Variants in ZNF385D observed in about 807,000 individuals in gnomAD.
ZNF385D encodes zinc finger protein 385D.
A neutral mutation model predicts 35.8 loss-of-function variants in ZNF385D; 15 were observed. The ratio of observed to expected loss-of-function variants is 0.42; its 90% CI spans 0.28 to 0.64. ZNF385D has a LOEUF of 0.64. Among genes scored for constraint, ZNF385D ranks in the 30% least tolerant of loss-of-function variants. ZNF385D has a pLI of 0.23. For missense variants in ZNF385D, 474 were observed against 494.6 expected (o/e 0.96, Z 0.39); for synonymous variants, 212 against 186.8 (o/e 1.13, Z -1.10).
chr3:21,881,087 CT>C lies in ZNF385D; in HGVS notation c.326-216060del, dbSNP rs567107354. On this transcript the variant is annotated intron_variant, in intron 3 of 5. Coordinates refer to the ZNF385D transcript ENST00000494108. ...CATAACATAAAAATACAAGGTGAAG[CT>C]GCAAGTAGTGATGTAGAAGCTTCAG... 1.7e-3 allele frequency among the ~76,000 whole-genome samples: 262 copies of C among 152,046 alleles called. 1 individual carries two copies. The highest frequency in any genetic ancestry group is 6.0e-3 in the African/African-American group (251 of 41,508).
chr3:22,304,249 A>G (rs994899526), intron 2 of ZNF385D, among the ~76,000 whole-genome samples: 2 of 152,204 alleles, frequency 1.3e-5, no homozygotes, highest in African/African-American at 4.8e-5. Flanking sequence ...TTTTAATCAG[A>G]AATGTGTTTT....
intron 1 of ZNF385D, among the ~76,000 whole-genome samples, chr3:21,695,921 G>A (rs1184678976): frequency 3.9e-5 from 6 of 152,036 alleles, no homozygotes; most frequent in Non-Finnish European, 1.5e-5. Context: ...AAAGATAATT[G>A]CCATTTCCAT....
chr3:22,250,699 G>A (rs1267039471), intron 2 of ZNF385D, among the ~76,000 whole-genome samples: 1 of 152,034 alleles, frequency 6.6e-6, no homozygotes, highest in Non-Finnish European at 1.5e-5. Context: ...CATTGCACAG[G>A]TTATGCATGC....
chr3:21,915,864 A>G (rs1343858522), intron 3 of ZNF385D, among the ~76,000 whole-genome samples: 3 of 152,154 alleles, frequency 2.0e-5, no homozygotes, highest in Non-Finnish European at 2.9e-5. Context: ...GAACTTTACC[A>G]AACACGGCAA....
chr3:21,769,869 G>T lies in ZNF385D; in HGVS notation c.326-104841C>A, dbSNP rs547291207. On this transcript the variant is annotated intron_variant, in intron 3 of 5. Transcript: ENST00000494108. Reference sequence around the variant, plus strand: ...AGGCTATAGTAACCAAAACAGCATGGTACTGGTACCAAAACAGAGATATAG... The same window carrying T: ...AGGCTATAGTAACCAAAACAGCATGTTACTGGTACCAAAACAGAGATATAG... Among the ~76,000 whole-genome samples, 4 of 151,182 alleles carry T rather than the reference G, an allele frequency of 2.6e-5. No individual in the cohort carries two copies. The East Asian group carries it at 7.9e-4, about 30-fold the overall frequency.
At chr3:22,294,309 T>C (rs1702455880) in intron 2 of ZNF385D, among the ~76,000 whole-genome samples, 1 of 152,132 alleles carries the variant, frequency 6.6e-6, no homozygotes, top group African/African-American at 2.4e-5. Context: ...TGCCTCTTTG[T>C]ACAACTTCCC....
chr3:21,880,408 T>C (rs1698214936), intron 3 of ZNF385D, among the ~76,000 whole-genome samples: 1 of 151,954 alleles, frequency 6.6e-6, no homozygotes, highest in South Asian at 2.1e-4. Flanking sequence ...TTTCACTGTA[T>C]CTGTCATGTT....
intron 3 of ZNF385D, among the ~76,000 whole-genome samples, chr3:21,871,872 C>T (rs1304444774): frequency 6.6e-6 from 1 of 151,948 alleles, no homozygotes; most frequent in African/African-American, 2.4e-5. Context: ...CGACAGGCGC[C>T]TGTAATCCCA....
rs1313317308 is a variant in ZNF385D, at chr3:22,123,976, A to C, written c.325+44841T>G. 8.2e-4 allele frequency among the ~76,000 whole-genome samples: 115 copies of C among 140,944 alleles called. 1 individual carries two copies. The highest frequency in any genetic ancestry group is 5.7e-3 in the Admixed American group (80 of 13,928). The allele number at this position is 140,944 out of a possible 152,430, so 92.5% of individuals were successfully genotyped here. On this transcript the variant is annotated intron_variant, in intron 3 of 5. Coordinates refer to the ZNF385D transcript ENST00000494108. ...TCTCTCTCTCTCTATATATATATATATATATATATATATTGCTGACTGAAC... is the reference window on the plus strand; with the variant it reads ...TCTCTCTCTCTCTATATATATATATCTATATATATATATTGCTGACTGAAC...
intron 2 of ZNF385D, among the ~76,000 whole-genome samples, chr3:22,217,951 A>G (rs558232117): frequency 4.3e-4 from 66 of 152,280 alleles, no homozygotes; most frequent in South Asian, 1.2e-3. Context: ...TCTCTTTCAA[A>G]TTCACCGTCC....
chr3:21,759,793 A>T (rs937991761), intron 3 of ZNF385D, among the ~76,000 whole-genome samples: 10 of 152,212 alleles, frequency 6.6e-5, no homozygotes, highest in African/African-American at 2.4e-4. Context: ...CCTTTAAAAA[A>T]AGAGATTCTT....
chr3:22,256,452 T>C (rs936268773), intron 2 of ZNF385D, among the ~76,000 whole-genome samples: 3 of 151,788 alleles, frequency 2.0e-5, no homozygotes, highest in African/African-American at 7.2e-5. Context: ...TTGATCATTT[T>C]TTTTAGTTCC....
At chr3:21,579,814 C>A (rs918131681) in intron 2 of ZNF385D, 2 of 151,944 alleles carry the variant, frequency 1.3e-5, no homozygotes, top group African/African-American at 4.8e-5. Context: ...GTACATCATT[C>A]CAATCCTCCC....
intron 3 of ZNF385D, among the ~76,000 whole-genome samples, chr3:22,146,233 A>C (rs1269163707): frequency 1.3e-5 from 2 of 152,212 alleles, no homozygotes; most frequent in Non-Finnish European, 2.9e-5. Flanking sequence ...ACAGTTCTAC[A>C]TTGTTTCACC....
At chr3:21,848,663 AC>A (rs1696174302) in intron 3 of ZNF385D, among the ~76,000 whole-genome samples, 1 of 152,056 alleles carries the variant, frequency 6.6e-6, no homozygotes, top group Non-Finnish European at 1.5e-5. Flanking sequence ...CTAGGAACTT[AC>A]AACCTACCAA....
chr3:22,190,635 T>C (rs935547571), intron 2 of ZNF385D, among the ~76,000 whole-genome samples: 1 of 152,214 alleles, frequency 6.6e-6, no homozygotes, highest in Non-Finnish European at 1.5e-5. Context: ...TCTGGAGTAA[T>C]CTGGTATTGA....
chr3:21,755,668 C>T (rs1397025732), upstream of ZNF385D, among the ~76,000 whole-genome samples: 3 of 152,176 alleles, frequency 2.0e-5, no homozygotes, highest in Admixed American at 6.6e-5. Context: ...GGGAATTTGC[C>T]TTTACTTGTA....
intron 2 of ZNF385D, among the ~76,000 whole-genome samples, chr3:22,331,855 A>T (rs1348482957): frequency 6.6e-6 from 1 of 152,214 alleles, no homozygotes. Context: ...AACTGACATC[A>T]TTTGAGTTTA....
intron 3 of ZNF385D, among the ~76,000 whole-genome samples, chr3:22,018,201 T>C (rs1697004318): frequency 6.6e-6 from 1 of 151,700 alleles, no homozygotes. Flanking sequence ...TCAATTTCTC[T>C]AGTTAGAAAT....
Sources: allele counts gnomAD v4.1 joint callset (sites outside exome capture counted in the v4.1 genomes callset), GRCh38; gene constraint gnomAD v4.1.1; transcripts MANE v1.5; gene names NCBI Gene and HGNC (gene_info 2026-07-23, HGNC 2026-07-21).